PLCH1: variants seen among roughly 807,000 people sequenced by gnomAD.
PLCH1 encodes 1-phosphatidylinositol 4,5-bisphosphate phosphodiesterase eta-1.
A neutral mutation model predicts 126.7 loss-of-function variants in PLCH1; 60 were observed. The observed-to-expected ratio is 0.47, with a 90% CI of 0.38 to 0.59. The LOEUF (loss-of-function observed/expected upper bound fraction) is 0.59, where lower values mean the gene tolerates loss of function less well. Ranked by LOEUF, PLCH1 falls within the 20% of genes least tolerant of loss-of-function variation. The pLI is 0.00. For synonymous variants in PLCH1, 719 were observed against 734.9 expected, an observed-to-expected ratio of 0.98 and a Z score of 0.35; for missense variants, 1,723 against 2,040.0, an observed-to-expected ratio of 0.84 and a Z score of 2.99.
chr3:155,659,116 G>A (rs997600003), intron 2 of PLCH1, among the ~76,000 whole-genome samples: 4 of 151,968 alleles, frequency 2.6e-5, no homozygotes, highest in African/African-American at 9.7e-5. Flanking sequence ...GGGGAACCAA[G>A]ACATCTCAGC....
chr3:155,582,975 T>TTTAC (rs1730908932), intron 6 of PLCH1, among the ~76,000 whole-genome samples: 1 of 151,824 alleles, frequency 6.6e-6, no homozygotes, highest in African/African-American at 2.4e-5. Context: ...CAAATGGCAA[T>TTTAC]TTACTATCAG....
chr3:155,610,805 A>T (rs947073227), intron 2 of PLCH1, among the ~76,000 whole-genome samples: 4 of 151,294 alleles, frequency 2.6e-5, no homozygotes, highest in Admixed American at 6.6e-5. Context: ...CAACACAATT[A>T]AAAAAAAACA....
chr3:155,532,524 G>A lies in PLCH1; in HGVS notation c.1363-8520C>T, dbSNP rs1356254588. Among the ~76,000 whole-genome samples the A allele has an allele frequency of 4.6e-5, 7 of 152,270 alleles. No individual in the cohort carries two copies. The South Asian group carries it at 6.2e-4, about 14-fold the overall frequency. Reference sequence around the variant, plus strand: ...ACGTGACTAGGGAGAAATCTGGGGGGAGGTGATTGGACTATGGGGGCAGAT... The same window carrying A: ...ACGTGACTAGGGAGAAATCTGGGGGAAGGTGATTGGACTATGGGGGCAGAT... On this transcript the variant is annotated intron_variant, in intron 10 of 22. Coordinates refer to ENST00000460012, the MANE Select transcript of PLCH1 (RefSeq NM_014996.4).
At chr3:155,696,781 T>C (rs1338126799) in intron 2 of PLCH1, among the ~76,000 whole-genome samples, 3 of 152,116 alleles carry the variant, frequency 2.0e-5, no homozygotes, top group East Asian at 3.9e-4. Context: ...TTCCCAAGCA[T>C]AAAGGAATAA....
At chr3:155,664,813 T>C (rs1023645942) in intron 2 of PLCH1, among the ~76,000 whole-genome samples, 2 of 152,240 alleles carry the variant, frequency 1.3e-5, no homozygotes. Context: ...TAGGTCTTAT[T>C]ATCTTCATTT....
At chr3:155,661,146 C>G (rs564163783) in intron 2 of PLCH1, among the ~76,000 whole-genome samples, 1 of 152,292 alleles carries the variant, frequency 6.6e-6, no homozygotes, top group East Asian at 1.9e-4. Context: ...ATATAAGAGG[C>G]AAACAATCAA....
At chr3:155,724,659 G>A (rs1344321849) in intron 1 of PLCH1, among the ~76,000 whole-genome samples, 1 of 152,092 alleles carries the variant, frequency 6.6e-6, no homozygotes, top group Non-Finnish European at 1.5e-5. Context: ...GTCTCTTGAA[G>A]GCAGGGGATA....
chr3:155,452,951 T>C (rs1260300664), intron 21 of PLCH1, among the ~76,000 whole-genome samples: 1 of 152,182 alleles, frequency 6.6e-6, no homozygotes, highest in Non-Finnish European at 1.5e-5. Context: ...AGGTATCTAC[T>C]ATTAAAATGA....
At chr3:155,708,424 T>C (rs1248793355) in intron 1 of PLCH1, among the ~76,000 whole-genome samples, 1 of 152,170 alleles carries the variant, frequency 6.6e-6, no homozygotes, top group Non-Finnish European at 1.5e-5. Context: ...AAACCTCTCA[T>C]GGTGTAGCCA....
chr3:155,726,769 C>T (rs372332245), intron 1 of PLCH1, among the ~76,000 whole-genome samples: 23 of 150,566 alleles, frequency 1.5e-4, no homozygotes, highest in African/African-American at 5.4e-4. Context: ...GATCTTGGCT[C>T]ACTGCAACCT....
In PLCH1 at chr3:155,725,031, A is replaced by G. The variant is rs534058477; in HGVS notation, c.-41+19809T>C. On this transcript the variant is annotated intron_variant, in intron 1 of 22. Coordinates refer to ENST00000460012, the MANE Select transcript of PLCH1 (RefSeq NM_014996.4). ...AAAAGACTGTATCTTTCCTTCATTT[A>G]TGAAGCTTAGTTTTGCTGGATACAA... is the stretch of plus-strand genomic sequence containing the variant. Among the ~76,000 whole-genome samples, 601 of 152,240 alleles carry G rather than the reference A, an allele frequency of 3.9e-3. 5 individuals carry two copies. The highest frequency in any genetic ancestry group is 0.014 in the African/African-American group (583 of 41,550).
In PLCH1 at chr3:155,482,429, G is replaced by T. The variant is rs1215176911; in HGVS notation, c.3597C>A (p.Asn1199Lys). The change falls in exon 23 of 23, where the codon AAC (asparagine) becomes AAA (lysine). Residue 1199 changes from asparagine to lysine, a missense_variant. By Grantham distance (94) the Asn-to-Lys change is moderately conservative. Around this residue, in one of 2 missense-constraint regions of PLCH1, gnomAD observed 947 missense variants for 977.1 expected, o/e 0.97. Coordinates refer to ENST00000460012, the MANE Select transcript of PLCH1 (RefSeq NM_014996.4). ...GAGAAACAACTGTGAGAGCCTGATTGTTGGTCTCATCAAACTGGCCAATCA... is the reference window on the plus strand; with the variant it reads ...GAGAAACAACTGTGAGAGCCTGATTTTTGGTCTCATCAAACTGGCCAATCA... ...SALIGQFDET[N>K]NQALTVVSHL... 2 of 1,614,150 alleles carry T rather than the reference G, an allele frequency of 1.2e-6. No individual in the cohort carries two copies. Among genetic ancestry groups the T allele is most frequent in the Admixed American group, 1.7e-5 (1 of 60,022 alleles).
intron 7 of PLCH1, 125 bp from the exon 8 acceptor site, chr3:155,565,243 T>C (rs1728184875): frequency 1.6e-6 from 1 of 640,882 alleles, no homozygotes; most frequent in Admixed American, 2.6e-5. Flanking sequence ...GGATGGCATT[T>C]GTGGGGAAAA....
chr3:155,496,147 T>G (rs895695466), intron 15 of PLCH1, among the ~76,000 whole-genome samples: 9 of 152,184 alleles, frequency 5.9e-5, no homozygotes, highest in African/African-American at 1.9e-4. Flanking sequence ...ATTATCTAGT[T>G]TTCATTTTGT....
At position 155,494,152 on chromosome 3, in the gene PLCH1, T is replaced by A; in HGVS notation, c.2171A>T (p.Gln724Leu). Residue 724 changes from glutamine to leucine, a missense_variant, in exon 17 of 23, where the codon CAA becomes CTA. Gln to Leu is a moderately radical substitution (Grantham distance 113, BLOSUM62 -2). Coordinates refer to ENST00000460012, the MANE Select transcript of PLCH1 (RefSeq NM_014996.4). ...GNCGYVLKPQ[Q>L]MCKGTFNPFS... ...AAATTAATACACACCTTTGCACATT[T>A]GCTGGGGTTTGAGGACATAGCCACA... 1 of 1,613,080 alleles carries A rather than the reference T, an allele frequency of 6.2e-7. No individual in the cohort carries two copies. The highest frequency in any genetic ancestry group is 8.5e-7 in the Non-Finnish European group (1 of 1,179,038).
chr3:155,585,588 T>A (rs1190477124), intron 5 of PLCH1, among the ~76,000 whole-genome samples: 1 of 151,878 alleles, frequency 6.6e-6, no homozygotes, highest in Non-Finnish European at 1.5e-5. Context: ...CAACAAGGAG[T>A]TGAATGAAAT....
intron 21 of PLCH1, among the ~76,000 whole-genome samples, chr3:155,473,666 C>A (rs1393725697): frequency 6.6e-6 from 1 of 151,998 alleles, no homozygotes; most frequent in Non-Finnish European, 1.5e-5. Flanking sequence ...CACTCCCTGA[C>A]TTCAAACTAT....
At chr3:155,540,644 C>A (rs1472537855) in intron 10 of PLCH1, among the ~76,000 whole-genome samples, 1 of 152,060 alleles carries the variant, frequency 6.6e-6, no homozygotes, top group Non-Finnish European at 1.5e-5. Context: ...TGAAAAAATG[C>A]TCAACATCAC....
intron 12 of PLCH1, among the ~76,000 whole-genome samples, chr3:155,513,915 A>C (rs1173681239): frequency 6.6e-6 from 1 of 151,696 alleles, no homozygotes; most frequent in African/African-American, 2.4e-5. Flanking sequence ...GGTTAACAAA[A>C]CTCTCGTTTG....
Sources: gnomAD v4.1 joint callset for allele counts (sites outside exome capture counted in the v4.1 genomes callset) on GRCh38, gnomAD v4.1.1 for gene constraint, gnomAD v4.1.1 regional missense constraint, MANE v1.5 for transcripts, NCBI Gene and HGNC (gene_info 2026-07-23, HGNC 2026-07-21) for gene names.